Variants in NRXN3 observed in about 807,000 individuals in gnomAD.
The protein encoded by NRXN3 is neurexin III.
A neutral mutation model predicts 137.6 loss-of-function variants in NRXN3; 32 were observed. The ratio of observed to expected loss-of-function variants is 0.23; its 90% CI spans 0.18 to 0.31. The LOEUF (loss-of-function observed/expected upper bound fraction) is 0.31. Among genes scored for constraint, NRXN3 ranks in the 10% least tolerant of loss-of-function variants. NRXN3 has a pLI of 1.00. For synonymous variants in NRXN3, 798 were observed against 784.5 expected, an observed-to-expected ratio of 1.02 and a Z score of -0.29; for missense variants, 1,574 against 2,062.5, an observed-to-expected ratio of 0.76 and a Z score of 4.59.
Position 78,280,276 on chromosome 14 carries a change from A to G in NRXN3, c.727+1614A>G, listed in dbSNP as rs553136826. Among the ~76,000 whole-genome samples the G allele has an allele frequency of 2.1e-4, 32 of 152,294 alleles. 1 individual carries two copies. Among genetic ancestry groups the G allele is most frequent in the Non-Finnish European group, 2.9e-5 (2 of 68,030 alleles). ...CTATGTATATATACATATGCTTTAT[A>G]TGCATACATATATACACACGTATAT... On this transcript the variant is annotated intron_variant, in intron 3 of 20. Transcript: ENST00000335750.
intron 15 of NRXN3, among the ~76,000 whole-genome samples, chr14:78,990,254 G>A (rs1225514813): frequency 6.6e-6 from 1 of 152,030 alleles, no homozygotes; most frequent in East Asian, 1.9e-4. Context: ...TTGGGAAACT[G>A]CCTCTCTAAC....
rs189110595 is a variant in NRXN3, at chr14:79,102,593, G to T, written c.3262+114452G>T. Among the ~76,000 whole-genome samples the T allele has an allele frequency of 6.6e-4, 101 of 152,286 alleles. 1 individual carries two copies. Among genetic ancestry groups the T allele is most frequent in the Non-Finnish European group, 1.1e-3 (74 of 68,026 alleles). ...CTTCAATGAGCCAACAATCCAGAGC[G>T]ACATATAGAGTTATGTAAATATATT... On this transcript the variant is annotated intron_variant, in intron 15 of 20. Coordinates refer to ENST00000335750, the MANE Select transcript of NRXN3 (RefSeq NM_001330195.2).
intron 15 of NRXN3, among the ~76,000 whole-genome samples, chr14:79,356,048 T>C (rs1467161346): frequency 6.6e-6 from 1 of 152,204 alleles, no homozygotes; most frequent in Non-Finnish European, 1.5e-5. Flanking sequence ...CTAATATTTT[T>C]CCTCCTATTA....
rs1400328729 is a variant in NRXN3, at chr14:78,278,668, T to A, written c.727+6T>A. On this transcript the variant is annotated splice_donor_region_variant and intron_variant, in intron 3 of 20. Coordinates refer to ENST00000335750, the MANE Select transcript of NRXN3 (RefSeq NM_001330195.2). ...AGATGTCAGTCAAGATCCAGGTGAG[T>A]CTTTGTGTTTGCACAGCTGCTGTGG... The A allele has an allele frequency of 6.5e-7, 1 of 1,534,898 alleles. No homozygotes were observed. The highest frequency in any genetic ancestry group is 8.7e-7 in the Non-Finnish European group (1 of 1,146,264).
At chr14:78,696,865 G>A (rs1282155187) in intron 6 of NRXN3, among the ~76,000 whole-genome samples, 2 of 152,042 alleles carry the variant, frequency 1.3e-5, no homozygotes, top group Admixed American at 1.3e-4. Flanking sequence ...AGCTATCACT[G>A]TTTCTACTAC....
chr14:78,720,088 A>G (rs1055074977), intron 8 of NRXN3, among the ~76,000 whole-genome samples: 4 of 152,036 alleles, frequency 2.6e-5, no homozygotes, highest in Non-Finnish European at 4.4e-5. Context: ...CTAGATGGTT[A>G]TTAAATGTGG....
intron 1 of NRXN3, among the ~76,000 whole-genome samples, chr14:78,219,154 T>TG (rs2063579531): frequency 8.8e-6 from 1 of 113,700 alleles, no homozygotes; most frequent in South Asian, 2.6e-4. Flanking sequence ...GGAGTTTTGG[T>TG]GGGAGGGGGG....
chr14:78,428,896 C>T (rs2093765629), intron 4 of NRXN3, among the ~76,000 whole-genome samples: 1 of 152,018 alleles, frequency 6.6e-6, no homozygotes, highest in Non-Finnish European at 1.5e-5. Context: ...AAAAAAACGC[C>T]CTAACAGAAA....
At position 78,631,347 on chromosome 14, in the gene NRXN3, G is replaced by T. The variant is rs573090946; in HGVS notation, c.758-13773G>T. Among the ~76,000 whole-genome samples the T allele has an allele frequency of 1.1e-3, 165 of 152,314 alleles. 1 individual carries two copies. Among genetic ancestry groups the T allele is most frequent in the South Asian group, 3.1e-3 (15 of 4,814 alleles). ...GTTCTGATTCATTCATCTACAAAGT[G>T]TGGTCAGAAACCTTGACCAACTGCT... is the stretch of plus-strand genomic sequence containing the variant. On this transcript the variant is annotated intron_variant, in intron 4 of 20. Coordinates refer to ENST00000335750, the MANE Select transcript of NRXN3 (RefSeq NM_001330195.2).
chr14:78,456,490 A>T (rs1485414219), intron 4 of NRXN3, among the ~76,000 whole-genome samples: 4 of 152,180 alleles, frequency 2.6e-5, no homozygotes, highest in Non-Finnish European at 4.4e-5. Context: ...TTGACTTCAC[A>T]CTTTTAAAAA....
At chr14:79,565,318 T>A (rs188658398) in intron 16 of NRXN3, among the ~76,000 whole-genome samples, 1 of 143,534 alleles carries the variant, frequency 7.0e-6, no homozygotes, top group Non-Finnish European at 1.5e-5. Context: ...TACACACACA[T>A]GTGTGTGTAT....
chr14:79,678,894 T>C (rs1228761304), intron 17 of NRXN3, among the ~76,000 whole-genome samples: 1 of 152,096 alleles, frequency 6.6e-6, no homozygotes, highest in Non-Finnish European at 1.5e-5. Context: ...ACCTAGTAAT[T>C]AGAATGGTGA....
At chr14:78,435,501 T>C (rs1237141341) in intron 4 of NRXN3, among the ~76,000 whole-genome samples, 2 of 152,184 alleles carry the variant, frequency 1.3e-5, no homozygotes, top group Non-Finnish European at 2.9e-5. Context: ...AAAGACCTTT[T>C]TCTTCTGAAA....
At chr14:79,087,270 A>G (rs2048304238) in intron 15 of NRXN3, among the ~76,000 whole-genome samples, 1 of 151,978 alleles carries the variant, frequency 6.6e-6, no homozygotes. Context: ...CTAGCCTGCT[A>G]CCTCTGGACT....
intron 15 of NRXN3, among the ~76,000 whole-genome samples, chr14:79,048,983 A>G (rs1252530069): frequency 2.4e-5 from 3 of 123,434 alleles, no homozygotes; most frequent in Non-Finnish European, 4.8e-5. Context: ...AGATCGCGCC[A>G]CTGCACTCCA....
intron 15 of NRXN3, among the ~76,000 whole-genome samples, chr14:79,387,167 C>T (rs918496347): frequency 5.3e-4 from 81 of 152,004 alleles, no homozygotes; most frequent in Non-Finnish European, 8.5e-4. Flanking sequence ...GAACAGGCAA[C>T]CTATAGAATG....
At chr14:79,464,333 C>T (rs1359487782) in intron 15 of NRXN3, among the ~76,000 whole-genome samples, 1 of 152,048 alleles carries the variant, frequency 6.6e-6, no homozygotes, top group Non-Finnish European at 1.5e-5. Context: ...TTCAGAATAA[C>T]AAAAGCAATA....
chr14:78,828,477 A>C (rs980781920), intron 10 of NRXN3, among the ~76,000 whole-genome samples: 8 of 152,218 alleles, frequency 5.3e-5, no homozygotes, highest in African/African-American at 1.9e-4. Flanking sequence ...TAGCCCTGTC[A>C]CAACTACTCC....
intron 15 of NRXN3, among the ~76,000 whole-genome samples, chr14:79,121,004 G>A (rs1237429070): frequency 1.3e-5 from 2 of 152,156 alleles, no homozygotes; most frequent in Non-Finnish European, 2.9e-5. Context: ...TGTCACTTGA[G>A]TTCTATTCAT....
Sources: allele counts gnomAD v4.1 joint callset (sites outside exome capture counted in the v4.1 genomes callset), GRCh38; gene constraint gnomAD v4.1.1; transcripts MANE v1.5; gene names NCBI Gene and HGNC (gene_info 2026-07-23, HGNC 2026-07-21).